GALNT16: variants seen among roughly 807,000 people sequenced by gnomAD.
The protein encoded by GALNT16 is polypeptide N-acetylgalactosaminyltransferase 16, also known as UDP-GalNAc:polypeptide N-acetylgalactosaminyltransferase-like protein 1.
A neutral mutation model predicts 76.1 loss-of-function variants in GALNT16; 40 were observed. The observed-to-expected ratio is 0.53, with a 90% confidence interval of 0.41 to 0.68. GALNT16 has a LOEUF of 0.68. GALNT16 is among the 30% of genes least tolerant of loss of function. GALNT16 has a pLI of 0.00. For missense variants in GALNT16, 621 were observed against 731.9 expected (o/e 0.85, Z 1.75); for synonymous variants, 276 against 285.2 (o/e 0.97, Z 0.32).
upstream of GALNT16, chr14:69,260,079 G>T (rs994600694): frequency 2.0e-6 from 1 of 504,692 alleles, no homozygotes; most frequent in Non-Finnish European, 3.5e-6. Flanking sequence ...GCGCGCGCTC[G>T]GGGCTGAAGG....
intron 1 of GALNT16, among the ~76,000 whole-genome samples, chr14:69,286,208 A>G (rs1428179821): frequency 6.6e-6 from 1 of 152,078 alleles, no homozygotes; most frequent in Non-Finnish European, 1.5e-5. Flanking sequence ...GAAGGGATAG[A>G]TGAGGGAACT....
chr14:69,325,548 C>T, intron 4 of GALNT16, 144 bp downstream of exon 4: 1 of 671,138 alleles, frequency 1.5e-6, no homozygotes. Context: ...TTTCTAGGAC[C>T]CCTCCCTGGT....
chr14:69,308,769 T>C (rs947478965), intron 1 of GALNT16, among the ~76,000 whole-genome samples: 5 of 152,208 alleles, frequency 3.3e-5, no homozygotes, highest in African/African-American at 1.2e-4. Flanking sequence ...AAATCAAGTG[T>C]ATTTTTACCT....
intron 1 of GALNT16, among the ~76,000 whole-genome samples, chr14:69,292,498 C>T (rs2044699130): frequency 1.3e-5 from 2 of 152,242 alleles, no homozygotes; most frequent in Admixed American, 1.3e-4. Context: ...GCTGACTGCT[C>T]CTGAGCGCAT....
chr14:69,299,091 A>G (rs1053794635), intron 1 of GALNT16, among the ~76,000 whole-genome samples: 2 of 152,218 alleles, frequency 1.3e-5, no homozygotes, highest in East Asian at 1.9e-4. Context: ...ACAGGTGTCC[A>G]TATCTAGGGC....
At chr14:69,339,488 T>G (rs1248313551) in intron 10 of GALNT16, 39 bp from the exon 11 acceptor site, 4 of 1,231,552 alleles carry the variant, frequency 3.2e-6, no homozygotes, top group Non-Finnish European at 4.8e-6. Context: ...CCCTGTTGCT[T>G]CCCTGGTGAC....
chr14:69,316,610 G>C (rs560861191), intron 1 of GALNT16, among the ~76,000 whole-genome samples: 1 of 152,282 alleles, frequency 6.6e-6, no homozygotes, highest in East Asian at 1.9e-4. Flanking sequence ...TCCTGCAGGA[G>C]GTTTGAGCAG....
At chr14:69,385,131 G>A in the GALNT16 span, among the ~76,000 whole-genome samples, 1 of 152,148 alleles carries the variant, frequency 6.6e-6, no homozygotes, top group Non-Finnish European at 1.5e-5. Context: ...AGTCGTTGCT[G>A]TTGTCCTCAT....
chr14:69,339,466 C>T (rs74059973), intron 10 of GALNT16, 61 bp from the exon 11 acceptor site: 41 of 971,744 alleles, frequency 4.2e-5, no homozygotes, highest in African/African-American at 4.0e-4. Context: ...TAATCTTGAT[C>T]CTGACCGCTA....
rs191446567 is a variant in GALNT16, at chr14:69,289,481, G to A, written c.177+29014G>A. 2.1e-3 allele frequency among the ~76,000 whole-genome samples: 324 copies of A among 152,260 alleles called. 1 individual carries two copies. Among genetic ancestry groups the A allele is most frequent in the Non-Finnish European group, 2.9e-3 (195 of 68,006 alleles). ...TACAAATCTCAGTTGCTGGCCTCAGGCCTAAGGCTTGAGAGCGGCTTGTTG... is the reference window on the plus strand; with the variant it reads ...TACAAATCTCAGTTGCTGGCCTCAGACCTAAGGCTTGAGAGCGGCTTGTTG... On this transcript the variant is annotated intron_variant, in intron 1 of 14. Coordinates refer to ENST00000448469, the MANE Select transcript of GALNT16 (RefSeq NM_001168368.2).
intron 1 of GALNT16, among the ~76,000 whole-genome samples, chr14:69,294,365 A>G (rs1354619954): frequency 6.6e-6 from 1 of 152,134 alleles, no homozygotes; most frequent in Non-Finnish European, 1.5e-5. Flanking sequence ...CAAATGATCC[A>G]TCTGCTTTGG....
At chr14:69,321,478 G>T (rs538541416) in intron 2 of GALNT16, among the ~76,000 whole-genome samples, 3 of 152,116 alleles carry the variant, frequency 2.0e-5, no homozygotes, top group African/African-American at 7.2e-5. Flanking sequence ...TGTCTAGAGG[G>T]TGAAAGTCAC....
chr14:69,333,128 T>C lies in GALNT16; in HGVS notation c.822T>C (p.Leu274=), dbSNP rs2045375632. Residue 274 remains leucine, a synonymous_variant, in exon 8 of 15, where the codon CTT becomes CTC. Coordinates refer to ENST00000448469, the MANE Select transcript of GALNT16 (RefSeq NM_001168368.2). The surrounding 1 kb of genome is among the most constrained non-coding windows in gnomAD (Gnocchi z 4.2). ...SLHFKWEQIP[L]EQKMTRTDPT... ...ATTTCAAGTGGGAGCAGATCCCTCTTGAGCAGAAGATGACCCGGACAGACC... is the reference window on the plus strand; with the variant it reads ...ATTTCAAGTGGGAGCAGATCCCTCTCGAGCAGAAGATGACCCGGACAGACC... 6.2e-7 allele frequency: 1 copy of C among 1,613,772 alleles called. No homozygotes were observed. The highest frequency in any genetic ancestry group is 1.3e-5 in the African/African-American group (1 of 74,932).
intron 1 of GALNT16, 103 bp from the exon 2 acceptor site, chr14:69,320,608 A>G: frequency 1.0e-6 from 1 of 986,724 alleles, no homozygotes; most frequent in Admixed American, 2.1e-5. Context: ...GTAAGGCACA[A>G]ATGAGGCCAC....
chr14:69,327,810 C>G (rs1276978180), intron 5 of GALNT16, among the ~76,000 whole-genome samples: 2 of 152,162 alleles, frequency 1.3e-5, no homozygotes, highest in Non-Finnish European at 2.9e-5. Context: ...AGAGTGCTGC[C>G]CAAAATGAGG....
chr14:69,326,806 A>G (rs532471187), intron 5 of GALNT16, among the ~76,000 whole-genome samples: 5 of 152,344 alleles, frequency 3.3e-5, no homozygotes, highest in Non-Finnish European at 7.3e-5. Context: ...CCTGTTGTAC[A>G]GACAAGGGAA....
chr14:69,339,418 C>A, intron 10 of GALNT16, 109 bp from the exon 11 acceptor site: 1 of 758,076 alleles, frequency 1.3e-6, no homozygotes, highest in Non-Finnish European at 2.4e-6. Context: ...TATCACCTTG[C>A]TCCTGAGATT....
chr14:69,348,222 G>C, intron 14 of GALNT16: 1 of 599,884 alleles, frequency 1.7e-6, no homozygotes, highest in Non-Finnish European at 3.0e-6. Flanking sequence ...CATCCTGCCA[G>C]GCTGTGAGCT....
intron 1 of GALNT16, among the ~76,000 whole-genome samples, chr14:69,288,856 G>A (rs1241572439): frequency 6.6e-6 from 1 of 152,138 alleles, no homozygotes. Flanking sequence ...GGCATGGGCT[G>A]TCATCCTAGC....
Sources: gnomAD v4.1 joint callset for allele counts (sites outside exome capture counted in the v4.1 genomes callset) on GRCh38, gnomAD v4.1.1 for gene constraint, Gnocchi (gnomAD v3.1) non-coding constraint, MANE v1.5 for transcripts, NCBI Gene and HGNC (gene_info 2026-07-23, HGNC 2026-07-21) for gene names.